OPCML: variants seen among roughly 807,000 people sequenced by gnomAD.
OPCML encodes the protein opioid binding protein/cell adhesion molecule like.
A neutral mutation model predicts 37.8 loss-of-function variants in OPCML; 13 were observed. The observed-to-expected ratio is 0.34, with a 90% CI of 0.22 to 0.55. OPCML has a LOEUF of 0.55. Ranked by LOEUF, OPCML falls within the 20% of genes least tolerant of loss-of-function variation. The pLI, the probability that OPCML is intolerant of heterozygous loss-of-function variation, is 0.91. For synonymous variants in OPCML, 176 were observed against 168.8 expected, an observed-to-expected ratio of 1.04 and a Z score of -0.33; for missense variants, 341 against 435.6, an observed-to-expected ratio of 0.78 and a Z score of 1.93.
At chr11:133,420,934 T>C (rs1302553225) in intron 1 of OPCML, 2 of 985,334 alleles carry the variant, frequency 2.0e-6, no homozygotes, top group Non-Finnish European at 2.4e-6. Flanking sequence ...TGGCTGATAA[T>C]TGGTCTTGAA....
chr11:132,925,388 G>C (rs898352363), intron 2 of OPCML, among the ~76,000 whole-genome samples: 1 of 152,146 alleles, frequency 6.6e-6, no homozygotes, highest in Non-Finnish European at 1.5e-5. Flanking sequence ...AAAAAACAAT[G>C]TAATTAGGCT....
intron 2 of OPCML, among the ~76,000 whole-genome samples, chr11:132,711,764 T>C (rs1023744252): frequency 6.6e-6 from 1 of 152,200 alleles, no homozygotes; most frequent in African/African-American, 2.4e-5. Flanking sequence ...ATATGGTGCA[T>C]ATGTATATAT....
chr11:132,962,103 C>T (rs1300411081), intron 1 of OPCML, among the ~76,000 whole-genome samples: 1 of 152,254 alleles, frequency 6.6e-6, no homozygotes. Flanking sequence ...AGAGGCCGTG[C>T]TCAGTGCATG....
intron 1 of OPCML, chr11:133,003,819 CA>C: frequency 2.0e-6 from 2 of 985,378 alleles, no homozygotes; most frequent in Non-Finnish European, 2.4e-6. Context: ...ACAATTTCTC[CA>C]AACAGCGGAT....
chr11:132,629,054 A>C (rs1322641996), intron 3 of OPCML, among the ~76,000 whole-genome samples: 2 of 152,090 alleles, frequency 1.3e-5, no homozygotes, highest in African/African-American at 4.8e-5. Flanking sequence ...CACTGAAATT[A>C]TTCAGGCCAA....
intron 2 of OPCML, among the ~76,000 whole-genome samples, chr11:132,820,813 A>G (rs1266298320): frequency 6.6e-6 from 1 of 152,214 alleles, no homozygotes; most frequent in African/African-American, 2.4e-5. Context: ...TTGCCTTACC[A>G]GGATATACAA....
intron 1 of OPCML, among the ~76,000 whole-genome samples, chr11:132,969,954 T>C (rs911672481): frequency 3.3e-5 from 5 of 152,220 alleles, no homozygotes; most frequent in African/African-American, 1.2e-4. Flanking sequence ...TTTTTTCTTC[T>C]GAAAAGTCAC....
At chr11:133,292,926 G>A (rs779335933) in intron 1 of OPCML, among the ~76,000 whole-genome samples, 4 of 152,126 alleles carry the variant, frequency 2.6e-5, no homozygotes, top group African/African-American at 9.7e-5. Context: ...GGGAAGAGAG[G>A]TGTGATATGC....
At chr11:133,254,056 A>C (rs1327104914) in intron 1 of OPCML, among the ~76,000 whole-genome samples, 1 of 152,200 alleles carries the variant, frequency 6.6e-6, no homozygotes, top group Non-Finnish European at 1.5e-5. Context: ...GTCAAGAGAC[A>C]GCAGAACCTC....
intron 2 of OPCML, among the ~76,000 whole-genome samples, chr11:132,702,342 G>A (rs184295156): frequency 2.0e-5 from 3 of 152,140 alleles, no homozygotes; most frequent in East Asian, 1.9e-4. Flanking sequence ...CTTGTTTAAC[G>A]CTTCTTTCCC....
intron 2 of OPCML, among the ~76,000 whole-genome samples, chr11:132,827,020 T>G (rs538393924): frequency 3.3e-5 from 5 of 152,304 alleles, no homozygotes; most frequent in Admixed American, 2.6e-4. Context: ...CTTAGCACTT[T>G]GTAACTTAAT....
At chr11:132,475,391 A>C (rs769834572) in intron 4 of OPCML, among the ~76,000 whole-genome samples, 3 of 152,196 alleles carry the variant, frequency 2.0e-5, no homozygotes, top group Admixed American at 6.5e-5. Context: ...GCTGAACTGT[A>C]ACTGTGCCCC....
chr11:133,298,729 C>T (rs190447345), intron 1 of OPCML: 2 of 152,290 alleles, frequency 1.3e-5, no homozygotes, highest in Admixed American at 6.5e-5. Context: ...GTACTAGACA[C>T]TTTGTTGTCT....
chr11:133,480,899 C>T (rs771533954), intron 1 of OPCML, among the ~76,000 whole-genome samples: 6 of 152,196 alleles, frequency 3.9e-5, no homozygotes, highest in Non-Finnish European at 7.3e-5. Context: ...AAATTACTTG[C>T]TTTGTGTATG....
chr11:133,192,857 T>C (rs1301102737), intron 1 of OPCML, among the ~76,000 whole-genome samples: 1 of 145,580 alleles, frequency 6.9e-6, no homozygotes, highest in Admixed American at 6.8e-5. Flanking sequence ...TGCTTCGTGT[T>C]TTCTTTTCTT....
intron 1 of OPCML, among the ~76,000 whole-genome samples, chr11:133,231,609 C>T (rs1940281788): frequency 6.6e-6 from 1 of 152,136 alleles, no homozygotes; most frequent in South Asian, 2.1e-4. Context: ...CAGATACCTC[C>T]CAGCAACATG....
At chr11:133,000,670 C>G (rs769549439) in intron 1 of OPCML, among the ~76,000 whole-genome samples, 2 of 152,168 alleles carry the variant, frequency 1.3e-5, no homozygotes, top group Non-Finnish European at 2.9e-5. Flanking sequence ...ACCACACTCT[C>G]TTTTCATTTA....
intron 2 of OPCML, among the ~76,000 whole-genome samples, chr11:132,681,082 AGGCCACATGGTT>A (rs1480739739): frequency 6.6e-6 from 1 of 152,196 alleles, no homozygotes; most frequent in Non-Finnish European, 1.5e-5. Flanking sequence ...GAGGAGAGTG[AGGCCACATGGTT>A]GTCCCTCATG....
intron 3 of OPCML, among the ~76,000 whole-genome samples, chr11:132,587,577 C>G (rs768163938): frequency 3.4e-4 from 52 of 152,192 alleles, no homozygotes; most frequent in Non-Finnish European, 1.6e-4. Flanking sequence ...AAAGGACTTT[C>G]TCTATTCATG....
Sources: allele counts gnomAD v4.1 joint callset (sites outside exome capture counted in the v4.1 genomes callset), GRCh38; gene constraint gnomAD v4.1.1; transcripts MANE v1.5; gene names NCBI Gene and HGNC (gene_info 2026-07-23, HGNC 2026-07-21).